KRT15: variants seen among roughly 807,000 people sequenced by gnomAD.
KRT15 encodes the protein keratin, type I cytoskeletal 15.
Under a neutral mutation model 46.6 loss-of-function variants are expected in KRT15, and 45 were observed. That is an observed-to-expected ratio of 0.97 (90% CI 0.76 to 1.24). The LOEUF is 1.24. Among genes scored for constraint, KRT15 ranks in the 50% most tolerant of loss-of-function variants. The pLI is 0.00. For synonymous variants in KRT15, 221 were observed against 233.8 expected, an observed-to-expected ratio of 0.95 and a Z score of 0.50; for missense variants, 592 against 588.9, an observed-to-expected ratio of 1.01 and a Z score of -0.05.
chr17:41,516,877 C>G lies in KRT15; in HGVS notation c.669G>C (p.Arg223Ser). Residue 223 changes from arginine to serine, a missense_variant, in exon 3 of 8, where the codon AGG (arginine) becomes AGC (serine). Physicochemically the swap from Arg to Ser is moderately radical, Grantham distance 110 (BLOSUM62 -1). Coordinates refer to ENST00000254043, the MANE Select transcript of KRT15 (RefSeq NM_002275.4). ...RRVLDELTLA[R>S]TDLEMQIEGL... The stretch of plus-strand genomic sequence containing the variant: ...CCTCGATCTGCATCTCCAGGTCAGT[C>G]CTGGCCAGGGTCAGCTCATCCAGGA... 1 of 1,614,236 alleles carries G rather than the reference C, an allele frequency of 6.2e-7. No individual in the cohort carries two copies. Among genetic ancestry groups the G allele is most frequent in the South Asian group, 1.1e-5 (1 of 91,092 alleles).
rs765416058 is a variant in KRT15, at chr17:41,518,369, G to A, written c.459C>T (p.Tyr153=). 12 of 1,613,908 alleles carry A rather than the reference G, an allele frequency of 7.4e-6. No individual in the cohort carries two copies. The Admixed American group carries it at 1.3e-4, about 18-fold the overall frequency. Residue 153 remains tyrosine, a synonymous_variant, in exon 1 of 8, where the codon TAC becomes TAT. Coordinates refer to ENST00000254043, the MANE Select transcript of KRT15 (RefSeq NM_002275.4). ...KQTPTSPECD[Y]SQYFKTIEEL... ...CTTCAATGGTCTTGAAGTATTGGCT[G>A]TAGTCGCATTCTGGGCTGGTTGGGG...
chr17:41,514,363 G>A (rs565549931), intron 7 of KRT15: 1 of 599,408 alleles, frequency 1.7e-6, no homozygotes, highest in African/African-American at 1.9e-5. Context: ...ACATGAAGGG[G>A]GATGAATTGT....
Position 41,518,535 on chromosome 17 carries a change from C to T in KRT15, c.293G>A (p.Gly98Asp). Residue 98 changes from glycine to aspartate, a missense_variant, in exon 1 of 8, where the codon GGT (glycine) becomes GAT (aspartate). Physicochemically the swap from Gly to Asp is moderately conservative, Grantham distance 94. Transcript: ENST00000254043. ...TTTCTCATTGCCAGAGAGGAGACCACCATCGCCACCACCAAAGCCACCACC... is the reference window on the plus strand; with the variant it reads ...TTTCTCATTGCCAGAGAGGAGACCATCATCGCCACCACCAAAGCCACCACC... ...GFGGGFGGGD[G>D]GLLSGNEKIT... The T allele has an allele frequency of 6.2e-7, 1 of 1,614,038 alleles. No individual in the cohort carries two copies. Among genetic ancestry groups the T allele is most frequent in the African/African-American group, 1.3e-5 (1 of 74,978 alleles).
rs577866815 is a variant in KRT15 at position 41,516,934 on chromosome 17, G to A, written c.612C>T (p.Gly204=). The A allele has an allele frequency of 4.6e-5, 74 of 1,614,206 alleles. No homozygotes were observed. The highest frequency in any genetic ancestry group is 8.9e-5 in the East Asian group (4 of 44,878). Residue 204 remains glycine (G), a synonymous_variant, in exon 3 of 8, where the codon GGC becomes GGT. Coordinates refer to ENST00000254043, the MANE Select transcript of KRT15 (RefSeq NM_002275.4). ...GCAAGCCGTTGATGTCAGCCTCAAC[G>A]CCCTGGCGCAGGGCCAGCTCATTCT... is the stretch of plus-strand genomic sequence containing the variant. ...KYENELALRQ[G]VEADINGLRR...
Position 41,518,405 on chromosome 17 carries a change from G to C in KRT15, c.423C>G (p.Tyr141Ter), listed in dbSNP as rs747770416. ...ADLEVKIHDW[Y>*]QKQTPTSPEC... ...CTGGGCTGGTTGGGGTCTGCTTCTG[G>C]TACCAGTCATGGATCTTCACCTCCA... is the stretch of plus-strand genomic sequence containing the variant. Residue 141 changes from tyrosine to a stop codon, truncating the protein, a stop_gained, in exon 1 of 8, where the codon TAC becomes TAG. Transcript: ENST00000254043. LOFTEE classifies it high-confidence loss of function. The C allele has an allele frequency of 5.0e-6, 8 of 1,614,032 alleles. No individual in the cohort carries two copies. The Admixed American group carries it at 1.3e-4, about 27-fold the overall frequency.
At chr17:41,515,367 G>T in intron 6 of KRT15, 105 bp downstream of exon 6, 1 of 933,148 alleles carries the variant, frequency 1.1e-6, no homozygotes, top group Non-Finnish European at 1.7e-6. Context: ...TCTTTTCACA[G>T]TCCCTCAAGG....
chr17:41,517,229 A>T, intron 1 of KRT15, 64 bp from the exon 2 acceptor site: 1 of 1,374,292 alleles, frequency 7.3e-7, no homozygotes, highest in South Asian at 1.2e-5. Context: ...TCTGCTCTGC[A>T]CCCAAGGCCA....
chr17:41,516,678 G>C, intron 3 of KRT15, 130 bp downstream of exon 3: 1 of 1,092,994 alleles, frequency 9.1e-7, no homozygotes, highest in Non-Finnish European at 1.3e-6. Flanking sequence ...GCCTCCCACT[G>C]ACTTAATCTC....
rs1461889419 is a variant in KRT15 at position 41,516,883 on chromosome 17, C to T, written c.663G>A (p.Leu221=). The change falls in exon 3 of 8, where the codon CTG becomes CTA. Residue 221 remains leucine, a synonymous_variant. Transcript: ENST00000254043. The part of the protein sequence containing the change: ...GLRRVLDELT[L]ARTDLEMQIE... ...TCTGCATCTCCAGGTCAGTCCTGGC[C>T]AGGGTCAGCTCATCCAGGACTCGGC... 6.2e-7 allele frequency: 1 copy of T among 1,614,098 alleles called. No individual in the cohort carries two copies. Among genetic ancestry groups the T allele is most frequent in the Admixed American group, 1.7e-5 (1 of 60,010 alleles).
In KRT15 at chr17:41,516,877, C is replaced by A. The variant is rs150440688; in HGVS notation, c.669G>T (p.Arg223Ser). The change falls in exon 3 of 8, where the codon AGG becomes AGT. Residue 223 changes from arginine (R) to serine (S), a missense_variant. Coordinates refer to ENST00000254043, the MANE Select transcript of KRT15 (RefSeq NM_002275.4). ...CCTCGATCTGCATCTCCAGGTCAGTCCTGGCCAGGGTCAGCTCATCCAGGA... is the reference window on the plus strand; with the variant it reads ...CCTCGATCTGCATCTCCAGGTCAGTACTGGCCAGGGTCAGCTCATCCAGGA... ...RRVLDELTLA[R>S]TDLEMQIEGL... 1 of 1,614,236 alleles carries A rather than the reference C, an allele frequency of 6.2e-7. No individual in the cohort carries two copies. Among genetic ancestry groups the A allele is most frequent in the Non-Finnish European group, 8.5e-7 (1 of 1,180,040 alleles).
At position 41,518,552 on chromosome 17, in the gene KRT15, G is replaced by A. The variant is rs1597776616; in HGVS notation, c.276C>T (p.Gly92=). 4.3e-6 allele frequency: 7 copies of A among 1,613,890 alleles called. No homozygotes were observed. The highest frequency in any genetic ancestry group is 1.6e-4 in the Middle Eastern group (1 of 6,062). The change falls in exon 1 of 8, where the codon GGC becomes GGT. Residue 92 remains glycine, a synonymous_variant. Transcript: ENST00000254043. ...GGGVGGGFGG[G]FGGGDGGLLS... ...GGAGACCACCATCGCCACCACCAAA[G>A]CCACCACCAAAACCCCCACCAACGC...
At position 41,518,728 on chromosome 17, in the gene KRT15, T is replaced by A; in HGVS notation, c.100A>T (p.Ser34Cys). 1 of 1,415,514 alleles carries A rather than the reference T, an allele frequency of 7.1e-7. No individual in the cohort carries two copies. 87.7% of individuals were successfully genotyped at this position (1,415,514 alleles called of 1,614,324 possible). A position where few individuals can be genotyped will look rare whatever the true frequency, so the allele number is the denominator to read the frequency against. The change falls in exon 1 of 8, where the codon AGT becomes TGT. Residue 34 changes from serine to cysteine, a missense_variant. Physicochemically the swap from Ser to Cys is moderately radical, Grantham distance 112. Coordinates refer to ENST00000254043, the MANE Select transcript of KRT15 (RefSeq NM_002275.4). ...CGGCTTCCACCTCCCCCAGAGAGAC[T>A]CCCCCCACCAAAGCCACCTCCCCCA... ...LAGGGGFGGG[S>C]LSGGGGSRSI...
rs1169321537 is a variant in KRT15, at chr17:41,518,889, A to G, written c.-62T>C. Reference sequence around the variant, plus strand: ...CCAAGAGATGCTGGCAGGAGGTACCAGGCCAGGCTGCACGCTGGGGCTCCT... The same window carrying G: ...CCAAGAGATGCTGGCAGGAGGTACCGGGCCAGGCTGCACGCTGGGGCTCCT... On this transcript the variant is annotated 5_prime_UTR_variant, in exon 1 of 8. Transcript: ENST00000254043. The G allele has an allele frequency of 1.3e-6, 2 of 1,507,384 alleles. No homozygotes were observed. The highest frequency in any genetic ancestry group is 1.8e-6 in the Non-Finnish European group (2 of 1,129,076). The allele number at this position is 1,507,384 out of a possible 1,614,324, so 93.4% of individuals were successfully genotyped here. A position where few individuals can be genotyped will look rare whatever the true frequency, so the allele number is the denominator to read the frequency against.
rs759419488 is a variant in KRT15 at position 41,514,639 on chromosome 17, G to C, written c.1273+10C>G. ...CCCCACCCCACACCAGAAGAGTAAAGCCTTCCTACCTTCCCTGATGGCAAT... is the reference window on the plus strand; with the variant it reads ...CCCCACCCCACACCAGAAGAGTAAACCCTTCCTACCTTCCCTGATGGCAAT... On this transcript the variant is annotated intron_variant, in intron 7 of 7. Coordinates refer to ENST00000254043, the MANE Select transcript of KRT15 (RefSeq NM_002275.4). 5 of 1,613,100 alleles carry C rather than the reference G, an allele frequency of 3.1e-6. No individual in the cohort carries two copies. Among genetic ancestry groups the C allele is most frequent in the Non-Finnish European group, 3.4e-6 (4 of 1,179,206 alleles).
chr17:41,514,809 G>A (rs1439696142), intron 6 of KRT15, 135 bp from the exon 7 acceptor site: 2 of 794,810 alleles, frequency 2.5e-6, no homozygotes, highest in Non-Finnish European at 4.2e-6. Flanking sequence ...TCCTCTAGGG[G>A]TGGGACATCC....
chr17:41,518,647 C>T lies in KRT15; in HGVS notation c.181G>A (p.Gly61Arg). 6.2e-7 allele frequency: 1 copy of T among 1,613,456 alleles called. No homozygotes were observed. The highest frequency in any genetic ancestry group is 1.7e-5 in the Admixed American group (1 of 59,970). ...FVSSGSGGGY[G>R]GGMRVCGFGG... ...AAGCCACAGACCCTCATGCCACCCC[C>T]ATATCCTCCTCCTGACCCTGAAGAG... The change falls in exon 1 of 8, where the codon GGG becomes AGG. Residue 61 changes from glycine (G) to arginine (R), a missense_variant. Coordinates refer to ENST00000254043, the MANE Select transcript of KRT15 (RefSeq NM_002275.4).
In KRT15 at chr17:41,516,121, C is replaced by A; in HGVS notation, c.883G>T (p.Ala295Ser). 3 of 1,614,160 alleles carry A rather than the reference C, an allele frequency of 1.9e-6. No homozygotes were observed. Among genetic ancestry groups the A allele is most frequent in the Non-Finnish European group, 2.5e-6 (3 of 1,180,020 alleles). The change falls in exon 4 of 8, where the codon GCC (alanine) becomes TCC (serine). Residue 295 changes from alanine to serine, a missense_variant. Transcript: ENST00000254043. ...AGGCCCACCTTGCTGAAGAACCAGG[C>A]CTCGACATCCCGGCGGTTCTTCTCC... Reference protein sequence around the residue: ...MAEKNRRDVEAWFFSKTEELN... With the variant: ...MAEKNRRDVESWFFSKTEELN...
chr17:41,517,849 C>T (rs534112639), intron 1 of KRT15, among the ~76,000 whole-genome samples: 5 of 152,156 alleles, frequency 3.3e-5, no homozygotes, highest in African/African-American at 1.2e-4. Context: ...TATGCAGAAG[C>T]CTGCAGGGTG....
chr17:41,517,329 A>T, intron 1 of KRT15, 164 bp from the exon 2 acceptor site: 1 of 627,692 alleles, frequency 1.6e-6, no homozygotes, highest in Non-Finnish European at 2.8e-6. Flanking sequence ...GGCAAAGTCC[A>T]GCCTCACTTT....
Sources: gnomAD v4.1 joint callset for allele counts (sites outside exome capture counted in the v4.1 genomes callset) on GRCh38, gnomAD v4.1.1 for gene constraint, MANE v1.5 for transcripts, NCBI Gene and HGNC (gene_info 2026-07-23, HGNC 2026-07-21) for gene names.